AJAP1: variants seen among roughly 807,000 people sequenced by gnomAD.
AJAP1 encodes adherens junction-associated protein 1.
In AJAP1, 5 loss-of-function variants were observed where a neutral mutation model predicts 35.0. The observed-to-expected ratio is 0.14, with a 90% CI of 0.07 to 0.30. The LOEUF is 0.30. Among genes scored for constraint, AJAP1 ranks in the 10% least tolerant of loss-of-function variants. The pLI, the probability that AJAP1 is intolerant of heterozygous loss-of-function variation, is 1.00. For synonymous variants in AJAP1, 284 were observed against 249.3 expected (o/e 1.14, Z -1.31); for missense variants, 586 against 571.0 (o/e 1.03, Z -0.27).
intron 2 of AJAP1, among the ~76,000 whole-genome samples, chr1:4,715,929 A>C (rs558495471): frequency 6.6e-6 from 1 of 152,368 alleles, no homozygotes; most frequent in Non-Finnish European, 1.5e-5. Flanking sequence ...GGGCACCCCA[A>C]AATTTGGAAT....
rs981265078 is a variant in AJAP1 at position 4,693,518 on chromosome 1, C to T, written c.30-18382C>T. 3.9e-5 allele frequency among the ~76,000 whole-genome samples: 6 copies of T among 152,160 alleles called. No individual in the cohort carries two copies. The East Asian group carries it at 5.8e-4, about 15-fold the overall frequency. ...GCTGCAGAATGGCCCTTCCTCCCCA[C>T]GTGGGGCTGACAGCCTGTGTTTTGG... On this transcript the variant is annotated intron_variant, in intron 1 of 5. Transcript: ENST00000378191. This position sits in a 1 kb window ranked among gnomAD's most constrained non-coding sequence, Gnocchi z 4.4.
chr1:4,733,979 G>A (rs61765039), intron 2 of AJAP1, among the ~76,000 whole-genome samples: 29,886 of 152,202 alleles, frequency 0.2, 3,103 homozygotes, highest in African/African-American at 0.26. Context: ...AGCGGTTCAC[G>A]CGAGGTGTGT....
chr1:4,688,680 G>A (rs143923818), intron 1 of AJAP1, among the ~76,000 whole-genome samples: 4,076 of 149,714 alleles, frequency 0.027, 107 homozygotes, highest in East Asian at 0.075. Context: ...GTTGAGACAG[G>A]AGAATTGCTT....
rs759020193 is a variant in AJAP1 at position 4,772,335 on chromosome 1, C to G, written c.973C>G (p.Gln325Glu). ...RNSHQRKTNQ[Q>E]EESCQNLTDF... is the part of the protein sequence containing the mutation. ...CAGCCACCAGCGGAAGACCAACCAG[C>G]AGGAGGAGAGCTGCCAGAACCTCAC... is the stretch of plus-strand genomic sequence containing the variant. The change falls in exon 4 of 6, where the codon CAG (glutamine) becomes GAG (glutamate). Residue 325 changes from glutamine (Q) to glutamate (E), a missense_variant. Coordinates refer to ENST00000378191, the MANE Select transcript of AJAP1 (RefSeq NM_018836.4). The G allele has an allele frequency of 3.1e-6, 5 of 1,614,212 alleles. No homozygotes were observed. In the South Asian group the frequency reaches 5.5e-5, roughly 18 times the overall value.
chr1:4,675,475 T>G (rs1388070709), intron 1 of AJAP1, among the ~76,000 whole-genome samples: 8 of 152,222 alleles, frequency 5.3e-5, no homozygotes, highest in African/African-American at 1.9e-4. Flanking sequence ...GCCCCTGGCC[T>G]TGGTGTCCCG....
chr1:4,678,684 T>C (rs1639411892), intron 1 of AJAP1, among the ~76,000 whole-genome samples: 1 of 152,220 alleles, frequency 6.6e-6, no homozygotes, highest in South Asian at 2.1e-4. Flanking sequence ...TGCTGTATCC[T>C]GTTGGCTAGA....
intron 1 of AJAP1, among the ~76,000 whole-genome samples, chr1:4,699,141 G>A (rs1478977366): frequency 2.0e-5 from 3 of 152,110 alleles, no homozygotes; most frequent in African/African-American, 4.8e-5. Context: ...GAAGGGGCTC[G>A]CCCCAGGGTG....
Position 4,712,199 on chromosome 1 carries a change from C to A in AJAP1, c.329C>A (p.Ala110Asp). 2 of 1,564,714 alleles carry A rather than the reference C, an allele frequency of 1.3e-6. No homozygotes were observed. Among genetic ancestry groups the A allele is most frequent in the Non-Finnish European group, 1.7e-6 (2 of 1,163,036 alleles). ...CACAGGCCCCGGGACCAGGCGGCCG[C>A]CCTCGTGCCCAAGGCAGGACTGGCC... ...RAHRPRDQAA[A>D]LVPKAGLAKP... The change falls in exon 2 of 6, where the codon GCC becomes GAC. Residue 110 changes from alanine (A) to aspartate (D), a missense_variant. Coordinates refer to ENST00000378191, the MANE Select transcript of AJAP1 (RefSeq NM_018836.4).
chr1:4,722,426 C>A (rs138988514), intron 2 of AJAP1, among the ~76,000 whole-genome samples: 1 of 152,178 alleles, frequency 6.6e-6, no homozygotes, highest in African/African-American at 2.4e-5. Flanking sequence ...CTAGACATTC[C>A]GAAAGCAGCC....
At chr1:4,731,609 C>T (rs1253095843) in intron 2 of AJAP1, among the ~76,000 whole-genome samples, 1 of 152,116 alleles carries the variant, frequency 6.6e-6, no homozygotes, top group Non-Finnish European at 1.5e-5. Flanking sequence ...GAGGGAGAAG[C>T]AGGTGGTTTA....
chr1:4,748,971 G>A (rs1401883739), intron 2 of AJAP1, among the ~76,000 whole-genome samples: 1 of 152,108 alleles, frequency 6.6e-6, no homozygotes, highest in African/African-American at 2.4e-5. Context: ...GTGTTTATAA[G>A]TCACCCAATG....
intron 5 of AJAP1, among the ~76,000 whole-genome samples, chr1:4,775,531 G>T (rs770068611): frequency 6.6e-6 from 1 of 152,160 alleles, no homozygotes; most frequent in African/African-American, 2.4e-5. Context: ...TCAGGGGCCC[G>T]CGGACAGGGA....
At chr1:4,698,379 G>A (rs11800746) in intron 1 of AJAP1, among the ~76,000 whole-genome samples, 3,177 of 152,298 alleles carry the variant, frequency 0.021, 109 homozygotes, top group African/African-American at 0.073. Context: ...CTGCAAAGGC[G>A]TCATTTACAT....
At chr1:4,756,948 C>G (rs1641445389) in intron 2 of AJAP1, among the ~76,000 whole-genome samples, 1 of 152,190 alleles carries the variant, frequency 6.6e-6, no homozygotes, top group Non-Finnish European at 1.5e-5. Context: ...AGCCTCATCT[C>G]TGTCATGCAG....
At chr1:4,718,704 A>G (rs1274377364) in intron 2 of AJAP1, among the ~76,000 whole-genome samples, 4 of 151,934 alleles carry the variant, frequency 2.6e-5, no homozygotes, top group Non-Finnish European at 5.9e-5. Context: ...GATGGTCTCG[A>G]TCTCTTGACC....
At chr1:4,697,753 C>T (rs1294982509) in intron 1 of AJAP1, among the ~76,000 whole-genome samples, 1 of 152,230 alleles carries the variant, frequency 6.6e-6, no homozygotes, top group Non-Finnish European at 1.5e-5. Context: ...CAAGATGGTC[C>T]CAGGACGACC....
intron 2 of AJAP1, among the ~76,000 whole-genome samples, chr1:4,749,817 T>G (rs1308177321): frequency 6.6e-6 from 1 of 152,174 alleles, no homozygotes; most frequent in Non-Finnish European, 1.5e-5. Flanking sequence ...GCAGTTCTTG[T>G]GTGTGTGCAC....
chr1:4,663,317 T>C (rs1639043313), intron 1 of AJAP1, among the ~76,000 whole-genome samples: 1 of 151,210 alleles, frequency 6.6e-6, no homozygotes, highest in Non-Finnish European at 1.5e-5. Context: ...GCCAGGGTCA[T>C]AGGCACAGGG....
chr1:4,777,598 C>T (rs933468246), intron 5 of AJAP1: 4 of 152,202 alleles, frequency 2.6e-5, no homozygotes, highest in Non-Finnish European at 4.4e-5. Context: ...GACTAATTCG[C>T]GATCATCTTT....
Sources: allele counts gnomAD v4.1 joint callset (sites outside exome capture counted in the v4.1 genomes callset), GRCh38; gene constraint gnomAD v4.1.1; non-coding constraint Gnocchi (gnomAD v3.1); transcripts MANE v1.5; gene names NCBI Gene and HGNC (gene_info 2026-07-23, HGNC 2026-07-21).